The following TTC28 variants were observed in gnomAD, a reference collection of about 807,000 sequenced individuals.
TTC28 encodes tetratricopeptide repeat protein 28.
TTC28 carries 61 observed loss-of-function variants against 198.0 expected under a neutral mutation model. The ratio of observed to expected loss-of-function variants is 0.31; its 90% CI spans 0.25 to 0.38. The LOEUF is 0.38. Ranked by LOEUF, TTC28 falls within the 10% of genes least tolerant of loss-of-function variation. The pLI is 1.00. For synonymous variants in TTC28, 1,171 were observed against 1,297.8 expected (o/e 0.90, Z 2.10); for missense variants, 2,678 against 3,164.0 (o/e 0.85, Z 3.69).
chr22:28,075,846 T>C (rs888913920), intron 12 of TTC28, among the ~76,000 whole-genome samples: 2 of 152,200 alleles, frequency 1.3e-5, no homozygotes, highest in African/African-American at 4.8e-5. Flanking sequence ...CAGGCCTCTT[T>C]GTTCCGACCT....
At chr22:28,144,753 G>A (rs907054455) in intron 6 of TTC28, among the ~76,000 whole-genome samples, 7 of 152,198 alleles carry the variant, frequency 4.6e-5, no homozygotes, top group African/African-American at 1.7e-4. Context: ...TGGGGAGCCC[G>A]TAGCATAGCC....
chr22:28,640,315 G>A (rs13056909), intron 1 of TTC28, among the ~76,000 whole-genome samples: 1 of 111,180 alleles, frequency 9.0e-6, no homozygotes, highest in Non-Finnish European at 1.9e-5. Flanking sequence ...AAAGTAAAGG[G>A]GGGGGGGGGA....
chr22:28,064,082 T>C (rs1461524461), intron 12 of TTC28, among the ~76,000 whole-genome samples: 1 of 152,064 alleles, frequency 6.6e-6, no homozygotes, highest in African/African-American at 2.4e-5. Flanking sequence ...GGATATGAAA[T>C]AGGATAAGCA....
Position 28,107,262 on chromosome 22 carries a change from C to A in TTC28, c.2583G>T (p.Leu861Phe). Reference sequence around the variant, plus strand: ...TTCCACTTAGCTGCTGCAGCATGGCCAATTGCTGCTCAAAGTAGCCAATGG... The same window carrying A: ...TTCCACTTAGCTGCTGCAGCATGGCAAATTGCTGCTCAAAGTAGCCAATGG... ...EEAIGYFEQQ[L>F]AMLQQLSGNE... Residue 861 changes from leucine (L) to phenylalanine (F), a missense_variant, in exon 7 of 23, where the codon TTG becomes TTT. Coordinates refer to ENST00000397906, the MANE Select transcript of TTC28 (RefSeq NM_001145418.2). 1 of 1,551,788 alleles carries A rather than the reference C, an allele frequency of 6.4e-7. No individual in the cohort carries two copies. Among genetic ancestry groups the A allele is most frequent in the Non-Finnish European group, 8.7e-7 (1 of 1,147,006 alleles).
intron 2 of TTC28, among the ~76,000 whole-genome samples, chr22:28,599,047 G>A (rs1015338890): frequency 6.6e-6 from 1 of 152,132 alleles, no homozygotes; most frequent in Non-Finnish European, 1.5e-5. Context: ...ACTTCTCTGT[G>A]CGCTATATAG....
At chr22:28,391,164 T>C (rs975651551) in intron 2 of TTC28, among the ~76,000 whole-genome samples, 2 of 152,226 alleles carry the variant, frequency 1.3e-5, no homozygotes, top group Non-Finnish European at 2.9e-5. Flanking sequence ...ATGTTGAATA[T>C]TGGCCCCCAC....
intron 12 of TTC28, among the ~76,000 whole-genome samples, chr22:28,037,915 G>C (rs903899064): frequency 1.3e-5 from 2 of 152,014 alleles, no homozygotes; most frequent in Non-Finnish European, 2.9e-5. Flanking sequence ...ACTCCCATTC[G>C]CGATTGCTTC....
intron 12 of TTC28, among the ~76,000 whole-genome samples, chr22:28,048,531 A>G (rs1042248314): frequency 1.3e-5 from 2 of 152,138 alleles, no homozygotes; most frequent in Admixed American, 6.5e-5. Context: ...AGAAACAGCT[A>G]AAGCAAAACC....
chr22:28,491,516 T>C (rs970950879), intron 2 of TTC28, among the ~76,000 whole-genome samples: 1 of 152,138 alleles, frequency 6.6e-6, no homozygotes, highest in African/African-American at 2.4e-5. Context: ...AAAATGCTCA[T>C]CATCACTGGC....
At chr22:28,253,994 C>T (rs1214654264) in intron 5 of TTC28, among the ~76,000 whole-genome samples, 1 of 151,706 alleles carries the variant, frequency 6.6e-6, no homozygotes, top group Non-Finnish European at 1.5e-5. Flanking sequence ...AATCCCGCTA[C>T]CTGGGAAGCT....
intron 2 of TTC28, among the ~76,000 whole-genome samples, chr22:28,312,081 C>G (rs1319659352): frequency 6.8e-6 from 1 of 146,238 alleles, no homozygotes; most frequent in Non-Finnish European, 1.5e-5. Flanking sequence ...CTGATAAAAA[C>G]AGCCTTTAAA....
chr22:28,467,784 CAG>C (rs2048043466), intron 2 of TTC28, among the ~76,000 whole-genome samples: 1 of 152,128 alleles, frequency 6.6e-6, no homozygotes, highest in South Asian at 2.1e-4. Context: ...TTCCTTGAGA[CAG>C]AGTCTTACTC....
intron 22 of TTC28, among the ~76,000 whole-genome samples, chr22:27,984,417 TGA>T (rs1357387393): frequency 6.6e-6 from 1 of 152,056 alleles, no homozygotes; most frequent in Non-Finnish European, 1.5e-5. Flanking sequence ...AGTTCTGCAG[TGA>T]GAGAGACACA....
intron 1 of TTC28, among the ~76,000 whole-genome samples, chr22:28,643,944 CA>C (rs2051411618): frequency 6.6e-6 from 1 of 152,040 alleles, no homozygotes. Flanking sequence ...AGAAACAAGG[CA>C]CAAAAAGGTT....
At chr22:28,286,870 A>G (rs1490290648) in intron 5 of TTC28, among the ~76,000 whole-genome samples, 3 of 152,166 alleles carry the variant, frequency 2.0e-5, no homozygotes, top group African/African-American at 4.8e-5. Flanking sequence ...TGAAAAGAAT[A>G]AAACACTGCT....
intron 2 of TTC28, among the ~76,000 whole-genome samples, chr22:28,361,502 A>C (rs1016920282): frequency 1.3e-5 from 2 of 152,134 alleles, no homozygotes; most frequent in African/African-American, 4.8e-5. Context: ...GCAGAAGAAA[A>C]GTTAAAAGCA....
intron 2 of TTC28, among the ~76,000 whole-genome samples, chr22:28,388,711 A>G (rs1229940709): frequency 6.6e-6 from 1 of 152,214 alleles, no homozygotes; most frequent in Non-Finnish European, 1.5e-5. Flanking sequence ...GAATTTGCTC[A>G]AGTTGCTTAT....
chr22:28,196,560 A>G (rs1300441093), intron 5 of TTC28, among the ~76,000 whole-genome samples: 1 of 152,194 alleles, frequency 6.6e-6, no homozygotes, highest in Non-Finnish European at 1.5e-5. Flanking sequence ...GCTAATATCC[A>G]GAATCTACAA....
At chr22:28,491,006 T>C (rs695346) in intron 2 of TTC28, among the ~76,000 whole-genome samples, 1,663 of 152,310 alleles carry the variant, frequency 0.011, 35 homozygotes, top group East Asian at 0.084. Context: ...TTCAAGAAGT[T>C]TGTTTATTTG....
Sources: gnomAD v4.1 joint callset for allele counts (sites outside exome capture counted in the v4.1 genomes callset) on GRCh38, gnomAD v4.1.1 for gene constraint, MANE v1.5 for transcripts, NCBI Gene and HGNC (gene_info 2026-07-23, HGNC 2026-07-21) for gene names.